Variants in MPEG1 observed in about 807,000 individuals in gnomAD.
MPEG1 encodes macrophage-expressed gene 1 protein.
For synonymous variants in MPEG1, 365 were observed against 351.9 expected, an observed-to-expected ratio of 1.04 and a Z score of -0.42; for missense variants, 876 against 880.3, an observed-to-expected ratio of 1.00 and a Z score of 0.06.
Position 59,212,926 on chromosome 11 carries a change from C to A in MPEG1, c.-61G>T. ...CAGCGGCCAGCAAGCTTTGGGCAAACTAAGATGGAGAAAACAGAAGCAGAT... is the reference window on the plus strand; with the variant it reads ...CAGCGGCCAGCAAGCTTTGGGCAAAATAAGATGGAGAAAACAGAAGCAGAT... On this transcript the variant is annotated 5_prime_UTR_variant, in exon 1 of 1. Transcript: ENST00000361050. The A allele has an allele frequency of 7.2e-7, 1 of 1,394,194 alleles. No homozygotes were observed. 86.4% of individuals were successfully genotyped at this position (1,394,194 alleles called of 1,614,324 possible).
rs1862874372 is a variant in MPEG1, at chr11:59,210,506, G to T, written c.*209C>A. 1 of 556,312 alleles carries T rather than the reference G, an allele frequency of 1.8e-6. No individual in the cohort carries two copies. Among genetic ancestry groups the T allele is most frequent in the African/African-American group, 1.9e-5 (1 of 53,306 alleles). The allele number at this position is 556,312 out of a possible 1,614,324, so 34.5% of individuals were successfully genotyped here. A position where few individuals can be genotyped will look rare whatever the true frequency, so the allele number is the denominator to read the frequency against. ...ACATCTGCTTCCTATTTTAGTCCCA[G>T]AATCACTTTTGCTTCTAGTCCCAAC... On this transcript the variant is annotated 3_prime_UTR_variant, in exon 1 of 1. Transcript: ENST00000361050.
chr11:59,211,473 A>C lies in MPEG1; in HGVS notation c.1393T>G (p.Cys465Gly), dbSNP rs1862890737. 1.2e-6 allele frequency: 2 copies of C among 1,614,190 alleles called. No individual in the cohort carries two copies. The highest frequency in any genetic ancestry group is 1.7e-6 in the Non-Finnish European group (2 of 1,180,022). ...TCAGGTACTTGGCTGCTGGCCACAC[A>C]CCAAAAAGCCCTAAATTCAGCTTTT... ...VAKAEFRAFWCVASSQVPENS... is the reference protein window; with the variant it reads ...VAKAEFRAFWGVASSQVPENS... The change falls in exon 1 of 1, where the codon TGT becomes GGT. Residue 465 changes from cysteine to glycine, a missense_variant. Cys to Gly is a radical substitution (Grantham distance 159). Coordinates refer to ENST00000361050, the MANE Select transcript of MPEG1 (RefSeq NM_001039396.2).
rs1862857381 is a variant in MPEG1 at position 59,209,310 on chromosome 11, A to G, written c.*1405T>C. ...AGATCTTGATTGTGAACATTAACAA[A>G]GAGAACAGTCATCCTCCACAGAAGA... is the stretch of plus-strand genomic sequence containing the variant. On this transcript the variant is annotated 3_prime_UTR_variant, in exon 1 of 1. Coordinates refer to ENST00000361050, the MANE Select transcript of MPEG1 (RefSeq NM_001039396.2). 1 of 152,238 alleles carries G rather than the reference A, an allele frequency of 6.6e-6. No homozygotes were observed. Among genetic ancestry groups the G allele is most frequent in the African/African-American group, 2.4e-5 (1 of 41,462 alleles). The allele number at this position is 152,238 out of a possible 1,614,324, so 9.4% of individuals were successfully genotyped here.
Position 59,212,564 on chromosome 11 carries a change from A to C in MPEG1, c.302T>G (p.Leu101Arg). 1 of 1,614,238 alleles carries C rather than the reference A, an allele frequency of 6.2e-7. No homozygotes were observed. Among genetic ancestry groups the C allele is most frequent in the Non-Finnish European group, 8.5e-7 (1 of 1,180,052 alleles). Residue 101 changes from leucine to arginine, a missense_variant, in exon 1 of 1, where the codon CTG becomes CGG. Leu to Arg is a moderately radical substitution (Grantham distance 102). Coordinates refer to ENST00000361050, the MANE Select transcript of MPEG1 (RefSeq NM_001039396.2). ...QSNLEMNSEILESWANYQSST... is the reference protein window; with the variant it reads ...QSNLEMNSEIRESWANYQSST... ...ACTCTGGTAATTTGCCCAGGATTCCAGGATTTCTGAGTTCATCTCCAGGTT... is the reference window on the plus strand; with the variant it reads ...ACTCTGGTAATTTGCCCAGGATTCCCGGATTTCTGAGTTCATCTCCAGGTT...
chr11:59,211,755 C>G lies in MPEG1; in HGVS notation c.1111G>C (p.Gly371Arg). The G allele has an allele frequency of 6.2e-7, 1 of 1,614,144 alleles. No individual in the cohort carries two copies. The highest frequency in any genetic ancestry group is 8.5e-7 in the Non-Finnish European group (1 of 1,180,014). The change falls in exon 1 of 1, where the codon GGG becomes CGG. Residue 371 changes from glycine (G) to arginine (R), a missense_variant. Coordinates refer to ENST00000361050, the MANE Select transcript of MPEG1 (RefSeq NM_001039396.2). ...CCGAAAGAGAAGTTGGTCATTTTCC[C>G]CTCGCAGGAGCCATCATCCGTGTTG... ...QANTDDGSCE[G>R]KMTNFSFGGV...
chr11:59,211,646 G>A lies in MPEG1; in HGVS notation c.1220C>T (p.Thr407Ile). ...CQKLEQKNPL[T>I]GDFSCPSGYS... ...GCCAGAGGGGCAGGAGAAATCACCA[G>A]TGAGTGGATTCTTCTGCTCCAACTT... The change falls in exon 1 of 1, where the codon ACT becomes ATT. Residue 407 changes from threonine (T) to isoleucine (I), a missense_variant. By Grantham distance (89) the Thr-to-Ile change is moderately conservative. Coordinates refer to ENST00000361050, the MANE Select transcript of MPEG1 (RefSeq NM_001039396.2). 1 of 1,614,224 alleles carries A rather than the reference G, an allele frequency of 6.2e-7. No individual in the cohort carries two copies. The highest frequency in any genetic ancestry group is 8.5e-7 in the Non-Finnish European group (1 of 1,180,044).
rs1474369558 is a variant in MPEG1, at chr11:59,210,987, T to C, written c.1879A>G (p.Thr627Ala). 1.9e-6 allele frequency: 3 copies of C among 1,614,004 alleles called. No individual in the cohort carries two copies. Among genetic ancestry groups the C allele is most frequent in the Non-Finnish European group, 2.5e-6 (3 of 1,180,030 alleles). Residue 627 changes from threonine to alanine, a missense_variant, in exon 1 of 1, where the codon ACC (threonine) becomes GCC (alanine). Coordinates refer to ENST00000361050, the MANE Select transcript of MPEG1 (RefSeq NM_001039396.2). The part of the protein sequence containing the change: ...NARSWIKDSQ[T>A]HQWRLGEPIE... ...GGTTCTCCCAGCCTCCACTGGTGGG[T>C]CTGGGAGTCTTTAATCCAGGATCTC... is the stretch of plus-strand genomic sequence containing the variant.
rs754684896 is a variant in MPEG1, at chr11:59,210,700, T to C, written c.*15A>G. 1 of 1,606,338 alleles carries C rather than the reference T, an allele frequency of 6.2e-7. No individual in the cohort carries two copies. Among genetic ancestry groups the C allele is most frequent in the Admixed American group, 1.7e-5 (1 of 59,772 alleles). The stretch of plus-strand genomic sequence containing the variant: ...ACCACACTGGAGATGAGAGAAACCA[T>C]TTTCGGGGAGAGATTTAAGCTGGAC... On this transcript the variant is annotated 3_prime_UTR_variant, in exon 1 of 1. Coordinates refer to ENST00000361050, the MANE Select transcript of MPEG1 (RefSeq NM_001039396.2).
rs757336329 is a variant in MPEG1 at position 59,212,887 on chromosome 11, T to A, written c.-22A>T. Reference sequence around the variant, plus strand: ...TCATGGCTCAGACAGCCCCAGCCACTCACCAGCCCTACACAGCGGCCAGCA... The same window carrying A: ...TCATGGCTCAGACAGCCCCAGCCACACACCAGCCCTACACAGCGGCCAGCA... On this transcript the variant is annotated 5_prime_UTR_variant, in exon 1 of 1. Coordinates refer to ENST00000361050, the MANE Select transcript of MPEG1 (RefSeq NM_001039396.2). 7 of 1,599,566 alleles carry A rather than the reference T, an allele frequency of 4.4e-6. No individual in the cohort carries two copies. The African/African-American group carries it at 9.4e-5, about 21-fold the overall frequency.
At position 59,210,906 on chromosome 11, in the gene MPEG1, C is replaced by A. The variant is rs1862879384; in HGVS notation, c.1960G>T (p.Gly654Ter). The A allele has an allele frequency of 6.2e-7, 1 of 1,614,206 alleles. No homozygotes were observed. Among genetic ancestry groups the A allele is most frequent in the Non-Finnish European group, 8.5e-7 (1 of 1,180,028 alleles). Residue 654 changes from glycine to a stop codon, truncating the protein, a stop_gained, in exon 1 of 1, where the codon GGA becomes TGA. Coordinates refer to ENST00000361050, the MANE Select transcript of MPEG1 (RefSeq NM_001039396.2). LOFTEE classifies it low-confidence loss of function (END_TRUNC). Reference protein sequence around the residue: ...VIHGDGGGLSGGAAAGVTVGV... With the variant: ...VIHGDGGGLS Reference sequence around the variant, plus strand: ...ACTGTGACCCCAGCTGCAGCCCCTCCTGACAGACCACCACCATCCCCATGG... The same window carrying A: ...ACTGTGACCCCAGCTGCAGCCCCTCATGACAGACCACCACCATCCCCATGG...
At position 59,212,332 on chromosome 11, in the gene MPEG1, G is replaced by C. The variant is rs774623646; in HGVS notation, c.534C>G (p.Ile178Met). Reference sequence around the variant, plus strand: ...TCTGGTTGTTCTCTAGACGGTCAGAGATGTCAAGGAGTTCCTTCCTAAAAC... The same window carrying C: ...TCTGGTTGTTCTCTAGACGGTCAGACATGTCAAGGAGTTCCTTCCTAAAAC... ...SSGFRKELLD[I>M]SDRLENNQTR... Residue 178 changes from isoleucine (I) to methionine (M), a missense_variant, in exon 1 of 1, where the codon ATC becomes ATG. Coordinates refer to ENST00000361050, the MANE Select transcript of MPEG1 (RefSeq NM_001039396.2). 12 of 1,613,936 alleles carry C rather than the reference G, an allele frequency of 7.4e-6. No individual in the cohort carries two copies. The African/African-American group carries it at 1.6e-4, about 22-fold the overall frequency.
At position 59,212,914 on chromosome 11, in the gene MPEG1, G is replaced by A. The variant is rs768305299; in HGVS notation, c.-49C>T. The A allele has an allele frequency of 8.0e-6, 12 of 1,507,518 alleles. No homozygotes were observed. In the East Asian group the frequency reaches 2.0e-4, roughly 26 times the overall value. 93.4% of individuals were successfully genotyped at this position (1,507,518 alleles called of 1,614,324 possible). A position where few individuals can be genotyped will look rare whatever the true frequency, so the allele number is the denominator to read the frequency against. ...ACCAGCCCTACACAGCGGCCAGCAA[G>A]CTTTGGGCAAACTAAGATGGAGAAA... On this transcript the variant is annotated 5_prime_UTR_variant, in exon 1 of 1. Transcript: ENST00000361050.
At position 59,211,700 on chromosome 11, in the gene MPEG1, G is replaced by A; in HGVS notation, c.1166C>T (p.Ser389Leu). 1.9e-6 allele frequency: 3 copies of A among 1,614,200 alleles called. No homozygotes were observed. Among genetic ancestry groups the A allele is most frequent in the Non-Finnish European group, 2.5e-6 (3 of 1,180,048 alleles). Residue 389 changes from serine to leucine, a missense_variant, in exon 1 of 1, where the codon TCA (serine) becomes TTA (leucine). Physicochemically the swap from Ser to Leu is moderately radical, Grantham distance 145. Coordinates refer to ENST00000361050, the MANE Select transcript of MPEG1 (RefSeq NM_001039396.2). ...GCAGAGGAGGACATCCCTATTCCCT[G>A]AGAGCTGAGTGCATTCCTGATAAAC... Reference protein sequence around the residue: ...GGVYQECTQLSGNRDVLLCQK... With the variant: ...GGVYQECTQLLGNRDVLLCQK...
At position 59,212,249 on chromosome 11, in the gene MPEG1, G is replaced by C. The variant is rs76683796; in HGVS notation, c.617C>G (p.Thr206Ser). Reference sequence around the variant, plus strand: ...AGCAGCCCCAGCGTCGACACTGGTGGTGACGTGGGTGCCATAGTTGAGCAC... The same window carrying C: ...AGCAGCCCCAGCGTCGACACTGGTGCTGACGTGGGTGCCATAGTTGAGCAC... ...LLVLNYGTHVTTSVDAGAALI... is the reference protein window; with the variant it reads ...LLVLNYGTHVSTSVDAGAALI... Residue 206 changes from threonine to serine, a missense_variant, in exon 1 of 1, where the codon ACC becomes AGC. Physicochemically the swap from Thr to Ser is moderately conservative, Grantham distance 58. Transcript: ENST00000361050. The C allele has an allele frequency of 6.2e-7, 1 of 1,613,706 alleles. No homozygotes were observed.
At position 59,209,808 on chromosome 11, in the gene MPEG1, T is replaced by TCCC. The variant is rs1862863377; in HGVS notation, c.*906_*907insGGG. ...TCATATAACAGGAGGACAGGAAAGG[T>TCCC]AAGGACCCAGAACAATGAAGACTTA... On this transcript the variant is annotated 3_prime_UTR_variant, in exon 1 of 1. Transcript: ENST00000361050. 2 of 152,668 alleles carry TCCC rather than the reference T, an allele frequency of 1.3e-5. No homozygotes were observed. Among genetic ancestry groups the TCCC allele is most frequent in the South Asian group, 4.1e-4 (2 of 4,836 alleles). The allele number at this position is 152,668 out of a possible 1,614,324, so 9.5% of individuals were successfully genotyped here. A position where few individuals can be genotyped will look rare whatever the true frequency, so the allele number is the denominator to read the frequency against.
Position 59,211,702 on chromosome 11 carries a change from G to A in MPEG1, c.1164C>T (p.Leu388=), listed in dbSNP as rs752410829. ...FGGVYQECTQ[L]SGNRDVLLCQ... ...AGAGGAGGACATCCCTATTCCCTGA[G>A]AGCTGAGTGCATTCCTGATAAACCC... Residue 388 remains leucine, a synonymous_variant, in exon 1 of 1, where the codon CTC becomes CTT. Coordinates refer to ENST00000361050, the MANE Select transcript of MPEG1 (RefSeq NM_001039396.2). The A allele has an allele frequency of 7.4e-6, 12 of 1,614,232 alleles. No homozygotes were observed. The highest frequency in any genetic ancestry group is 1.0e-5 in the Non-Finnish European group (12 of 1,180,040).
rs1389689499 is a variant in MPEG1, at chr11:59,212,104, T to C, written c.762A>G (p.Glu254=). ...TGAGGACATTCTGCGAGGTATAGTT[T>C]TCCTCAAATTTGAAGTTCACGGTGT... The part of the protein sequence containing the change: ...FQNTVNFKFE[E]NYTSQNVLTK... The change falls in exon 1 of 1, where the codon GAA becomes GAG. Residue 254 remains glutamate (E), a synonymous_variant. Coordinates refer to ENST00000361050, the MANE Select transcript of MPEG1 (RefSeq NM_001039396.2). The C allele has an allele frequency of 6.2e-7, 1 of 1,614,018 alleles. No homozygotes were observed. Among genetic ancestry groups the C allele is most frequent in the East Asian group, 2.2e-5 (1 of 44,888 alleles).
chr11:59,210,555 C>T lies in MPEG1; in HGVS notation c.*160G>A, dbSNP rs1013908203. 7.5e-6 allele frequency: 5 copies of T among 663,296 alleles called. No individual in the cohort carries two copies. The highest frequency in any genetic ancestry group is 5.5e-5 in the African/African-American group (3 of 54,864). 41.1% of individuals were successfully genotyped at this position (663,296 alleles called of 1,614,324 possible). On this transcript the variant is annotated 3_prime_UTR_variant, in exon 1 of 1. Transcript: ENST00000361050. ...ACTGTTCCCTCTCCCCAATCCCAAC[C>T]TTATCCATGTAACAGTATGAATTTC...
chr11:59,211,660 C>G lies in MPEG1; in HGVS notation c.1206G>C (p.Gln402His). The G allele has an allele frequency of 6.2e-7, 1 of 1,614,168 alleles. No homozygotes were observed. Among genetic ancestry groups the G allele is most frequent in the Non-Finnish European group, 8.5e-7 (1 of 1,180,048 alleles). Reference sequence around the variant, plus strand: ...AGAAATCACCAGTGAGTGGATTCTTCTGCTCCAACTTTTGGCAGAGGAGGA... The same window carrying G: ...AGAAATCACCAGTGAGTGGATTCTTGTGCTCCAACTTTTGGCAGAGGAGGA... ...RDVLLCQKLE[Q>H]KNPLTGDFSC... The change falls in exon 1 of 1, where the codon CAG becomes CAC. Residue 402 changes from glutamine (Q) to histidine (H), a missense_variant. Transcript: ENST00000361050.
Sources: allele counts gnomAD v4.1 joint callset, GRCh38; gene constraint gnomAD v4.1.1; transcripts MANE v1.5; gene names NCBI Gene and HGNC (gene_info 2026-07-23, HGNC 2026-07-21).